Variants in LY96 observed in about 807,000 individuals in gnomAD.
LY96 encodes the protein myeloid differentiation protein-2.
LY96 carries 18 observed loss-of-function variants against 18.9 expected under a neutral mutation model. The ratio of observed to expected loss-of-function variants is 0.95; its 90% CI spans 0.66 to 1.41. The LOEUF is 1.41. Ranked by LOEUF, LY96 falls within the 40% of genes most tolerant of loss-of-function variation. The pLI is 0.00. For missense variants in LY96, 175 were observed against 182.4 expected, an observed-to-expected ratio of 0.96 and a Z score of 0.23; for synonymous variants, 66 against 62.6, an observed-to-expected ratio of 1.06 and a Z score of -0.26.
At chr8:74,009,897 T>A (rs1345827701) in intron 2 of LY96, 104 bp from the exon 3 acceptor site, 10 of 798,056 alleles carry the variant, frequency 1.3e-5, no homozygotes, top group Non-Finnish European at 1.9e-5. Flanking sequence ...AATGAAATAA[T>A]GTAAGAAAAG....
chr8:74,004,265 C>T (rs1477054942), intron 1 of LY96, among the ~76,000 whole-genome samples: 4 of 152,204 alleles, frequency 2.6e-5, no homozygotes, highest in African/African-American at 9.6e-5. Context: ...TGCCTTTATT[C>T]TCCCCTGGGT....
intron 3 of LY96, among the ~76,000 whole-genome samples, chr8:74,014,443 A>G (rs1453719358): frequency 6.6e-6 from 1 of 150,528 alleles, no homozygotes; most frequent in Non-Finnish European, 1.5e-5. Context: ...GATGTATGGA[A>G]GTGCCATTAT....
At chr8:73,995,618 T>A (rs564329240) in intron 1 of LY96, among the ~76,000 whole-genome samples, 1 of 152,342 alleles carries the variant, frequency 6.6e-6, no homozygotes, top group South Asian at 2.1e-4. Flanking sequence ...GACTGATTTA[T>A]TCTCCCAGTT....
the LY96 span, among the ~76,000 whole-genome samples, chr8:74,037,918 G>A: frequency 1.3e-5 from 2 of 152,222 alleles, no homozygotes; most frequent in South Asian, 4.1e-4. Context: ...CCCTTCTCTT[G>A]CTAATAGTTG....
the LY96 span, among the ~76,000 whole-genome samples, chr8:74,041,707 C>A: frequency 6.9e-6 from 1 of 145,392 alleles, no homozygotes; most frequent in Admixed American, 6.8e-5. Context: ...GGTGGGGAAA[C>A]CCCCCCCACC....
the LY96 span, among the ~76,000 whole-genome samples, chr8:74,051,253 T>C: frequency 6.6e-6 from 1 of 152,278 alleles, no homozygotes; most frequent in African/African-American, 2.4e-5. Context: ...TGGATATAAC[T>C]GCTAATGAGA....
the LY96 span, among the ~76,000 whole-genome samples, chr8:74,066,800 A>C: frequency 2.6e-5 from 4 of 152,218 alleles, no homozygotes; most frequent in Admixed American, 2.6e-4. Context: ...CAGTCTAAAC[A>C]GAGGGAGATT....
the LY96 span, among the ~76,000 whole-genome samples, chr8:74,090,053 G>A: frequency 3.1e-3 from 466 of 152,228 alleles, 3 homozygotes; most frequent in African/African-American, 0.011. Flanking sequence ...GGAAGCTTTG[G>A]AGGTTTTAGA....
the LY96 span, among the ~76,000 whole-genome samples, chr8:74,036,009 T>A: frequency 6.6e-6 from 1 of 152,198 alleles, no homozygotes; most frequent in African/African-American, 2.4e-5. Context: ...CCTGAGGCTG[T>A]GTCATGGGTG....
chr8:74,008,803 G>A (rs1816468896), intron 2 of LY96, among the ~76,000 whole-genome samples: 1 of 152,130 alleles, frequency 6.6e-6, no homozygotes, highest in African/African-American at 2.4e-5. Flanking sequence ...CTGAGAGAGT[G>A]TGCAGAGTGA....
the LY96 span, among the ~76,000 whole-genome samples, chr8:74,071,826 A>T: frequency 6.6e-6 from 1 of 152,180 alleles, no homozygotes; most frequent in Non-Finnish European, 1.5e-5. Context: ...ACTAATATTG[A>T]TTCACATTGT....
the LY96 span, among the ~76,000 whole-genome samples, chr8:74,096,578 T>C: frequency 6.6e-6 from 1 of 152,190 alleles, no homozygotes; most frequent in Non-Finnish European, 1.5e-5. Flanking sequence ...CTGACTCTCC[T>C]GCTCTATTAT....
the LY96 span, among the ~76,000 whole-genome samples, chr8:74,069,043 C>T: frequency 6.6e-6 from 1 of 152,164 alleles, no homozygotes; most frequent in African/African-American, 2.4e-5. Flanking sequence ...GCCTTGGCCT[C>T]CCAAAGTGCT....
the LY96 span, among the ~76,000 whole-genome samples, chr8:74,089,929 A>C: frequency 2.0e-5 from 3 of 151,882 alleles, no homozygotes; most frequent in Non-Finnish European, 4.4e-5. Flanking sequence ...AGTTTGAGAA[A>C]GAGTGGGGAG....
chr8:74,080,982 C>T, the LY96 span, among the ~76,000 whole-genome samples: 45 of 127,788 alleles, frequency 3.5e-4, no homozygotes, highest in African/African-American at 1.4e-3. Context: ...CTTTCTTTCT[C>T]TCTCTTTCTT....
the LY96 span, among the ~76,000 whole-genome samples, chr8:74,034,778 T>C: frequency 6.6e-6 from 1 of 152,122 alleles, no homozygotes; most frequent in Non-Finnish European, 1.5e-5. Flanking sequence ...ACCCTCCTTC[T>C]AGGCCCGGGG....
At chr8:74,042,455 A>T in the LY96 span, among the ~76,000 whole-genome samples, 1 of 152,028 alleles carries the variant, frequency 6.6e-6, no homozygotes, top group Non-Finnish European at 1.5e-5. Context: ...CAGGAGGTGG[A>T]GGTTGCAGTG....
chr8:74,050,001 G>A, the LY96 span, among the ~76,000 whole-genome samples: 11 of 152,220 alleles, frequency 7.2e-5, no homozygotes, highest in South Asian at 2.3e-3. Flanking sequence ...CTGGGCAACA[G>A]AGCAGGACTC....
intron 1 of LY96, among the ~76,000 whole-genome samples, chr8:74,003,769 C>G (rs1156895979): frequency 6.6e-6 from 1 of 152,172 alleles, no homozygotes; most frequent in Non-Finnish European, 1.5e-5. Context: ...TTTCCTGGGT[C>G]TGGGCCTTGC....
Sources: allele counts gnomAD v4.1 joint callset (sites outside exome capture counted in the v4.1 genomes callset), GRCh38; gene constraint gnomAD v4.1.1; transcripts MANE v1.5; gene names NCBI Gene and HGNC (gene_info 2026-07-23, HGNC 2026-07-21).